Variants in IFT81 observed in about 807,000 individuals in gnomAD.
The protein encoded by IFT81 is intraflagellar transport 81.
A neutral mutation model predicts 102.6 loss-of-function variants in IFT81; 72 were observed. The observed-to-expected ratio is 0.70, with a 90% CI of 0.58 to 0.85. The LOEUF (loss-of-function observed/expected upper bound fraction) is 0.85. IFT81 is among the 40% of genes least tolerant of loss of function. IFT81 has a pLI of 0.00. For missense variants in IFT81, 723 were observed against 787.3 expected, an observed-to-expected ratio of 0.92 and a Z score of 0.98; for synonymous variants, 237 against 242.7, an observed-to-expected ratio of 0.98 and a Z score of 0.22.
intron 14 of IFT81, among the ~76,000 whole-genome samples, chr12:110,195,016 G>A (rs1052466251): frequency 2.0e-5 from 3 of 152,072 alleles, no homozygotes; most frequent in East Asian, 3.8e-4. Flanking sequence ...TGTTTCTGAT[G>A]TGTCTCTTGA....
intron 8 of IFT81, among the ~76,000 whole-genome samples, chr12:110,138,062 A>G (rs947477288): frequency 6.6e-6 from 1 of 152,224 alleles, no homozygotes; most frequent in Non-Finnish European, 1.5e-5. Context: ...AAACTGAAAG[A>G]GCAGTGGAAA....
intron 8 of IFT81, among the ~76,000 whole-genome samples, chr12:110,141,481 C>T (rs1275860606): frequency 6.6e-6 from 1 of 152,208 alleles, no homozygotes; most frequent in African/African-American, 2.4e-5. Context: ...CACGATGGAA[C>T]TAAAAATAGT....
chr12:110,188,740 T>C (rs953730108), intron 12 of IFT81, among the ~76,000 whole-genome samples: 3 of 148,738 alleles, frequency 2.0e-5, no homozygotes, highest in Admixed American at 6.7e-5. Context: ...CTGGCTAACA[T>C]AGTGAAACCC....
At position 110,128,127 on chromosome 12, in the gene IFT81, C is replaced by T. The variant is rs1893953804; in HGVS notation, c.226C>T (p.Pro76Ser). 1.2e-6 allele frequency: 2 copies of T among 1,610,642 alleles called. No individual in the cohort carries two copies. Among genetic ancestry groups the T allele is most frequent in the African/African-American group, 1.3e-5 (1 of 74,770 alleles). ...LSLLGILKYK[P>S]SGNATDMSTF... ...CCTTCTTGGTATTCTTAAGTACAAACCTTCAGGAAATGCCACAGATATGTA... is the reference window on the plus strand; with the variant it reads ...CCTTCTTGGTATTCTTAAGTACAAATCTTCAGGAAATGCCACAGATATGTA... The change falls in exon 3 of 19, where the codon CCT becomes TCT. Residue 76 changes from proline (P) to serine (S), a missense_variant. Physicochemically the swap from Pro to Ser is moderately conservative, Grantham distance 74 (BLOSUM62 -1). Transcript: ENST00000242591.
chr12:110,218,512 A>C lies in IFT81; in HGVS notation c.*286A>C, dbSNP rs1392767463. The C allele has an allele frequency of 1.3e-5, 3 of 227,318 alleles. No homozygotes were observed. Among genetic ancestry groups the C allele is most frequent in the Non-Finnish European group, 2.5e-5 (3 of 118,174 alleles). The allele number at this position is 227,318 out of a possible 1,614,324, so 14.1% of individuals were successfully genotyped here. ...TATCTGTAAATGTAAACATATGTCCATTAAGAAACATGTAGTTTTTTTTTA... is the reference window on the plus strand; with the variant it reads ...TATCTGTAAATGTAAACATATGTCCCTTAAGAAACATGTAGTTTTTTTTTA... On this transcript the variant is annotated 3_prime_UTR_variant, in exon 19 of 19. Coordinates refer to ENST00000242591, the MANE Select transcript of IFT81 (RefSeq NM_014055.4).
At position 110,202,923 on chromosome 12, in the gene IFT81, A is replaced by G. The variant is rs115873654; in HGVS notation, c.1558-941A>G. ...TAGAATGTTTTACGAAGTTCTTCTAATTAAGCCCCTGCCTAGGTCTTCAGC... is the reference window on the plus strand; with the variant it reads ...TAGAATGTTTTACGAAGTTCTTCTAGTTAAGCCCCTGCCTAGGTCTTCAGC... On this transcript the variant is annotated intron_variant, in intron 14 of 18. Transcript: ENST00000242591. 3.7e-4 allele frequency among the ~76,000 whole-genome samples: 57 copies of G among 152,242 alleles called. No individual in the cohort carries two copies. The South Asian group carries it at 0.012, about 31-fold the overall frequency.
chr12:110,215,254 T>A (rs1869928756), intron 18 of IFT81, among the ~76,000 whole-genome samples: 1 of 151,846 alleles, frequency 6.6e-6, no homozygotes, highest in Admixed American at 6.6e-5. Flanking sequence ...GCACTCTGCC[T>A]CTGTGTCTCT....
At chr12:110,195,448 A>C (rs1406967415) in intron 14 of IFT81, among the ~76,000 whole-genome samples, 1 of 151,952 alleles carries the variant, frequency 6.6e-6, no homozygotes, top group Non-Finnish European at 1.5e-5. Context: ...TTATAGTATG[A>C]CTTGTTAGCT....
Position 110,218,180 on chromosome 12 carries a change from T to C in IFT81, c.1985T>C (p.Ile662Thr), listed in dbSNP as rs1870386954. The change falls in exon 19 of 19, where the codon ATT (isoleucine) becomes ACT (threonine). Residue 662 changes from isoleucine to threonine, a missense_variant. Ile to Thr is a moderately conservative substitution (Grantham distance 89, BLOSUM62 -1). Coordinates refer to ENST00000242591, the MANE Select transcript of IFT81 (RefSeq NM_014055.4). ...CFLKQQSQTS[I>T]GQVIQEGGED... is the part of the protein sequence containing the mutation. The stretch of plus-strand genomic sequence containing the variant: ...CTGAAACAACAAAGCCAAACTTCCA[T>C]TGGTCAGGTAATTCAGGAGGGTGGG... 3.2e-6 allele frequency: 5 copies of C among 1,583,958 alleles called. No individual in the cohort carries two copies. The Admixed American group carries it at 5.8e-5, about 18-fold the overall frequency.
chr12:110,170,582 A>G (rs1408796943), intron 11 of IFT81, among the ~76,000 whole-genome samples: 1 of 152,214 alleles, frequency 6.6e-6, no homozygotes, highest in Non-Finnish European at 1.5e-5. Flanking sequence ...AATGATATGC[A>G]GTACTAGTAC....
At chr12:110,186,187 T>C (rs1305463698) in intron 12 of IFT81, among the ~76,000 whole-genome samples, 1 of 152,228 alleles carries the variant, frequency 6.6e-6, no homozygotes, top group Non-Finnish European at 1.5e-5. Flanking sequence ...AAAGATTTAA[T>C]TCCATTGTCT....
rs1029480479 is a variant in IFT81, at chr12:110,124,795, A to C, written c.-88A>C. On this transcript the variant is annotated 5_prime_UTR_variant, in exon 1 of 19. Coordinates refer to ENST00000242591, the MANE Select transcript of IFT81 (RefSeq NM_014055.4). ...ACCCAGGCAGCACGGTTTCTCTCCC[A>C]AATTGTGCCAGAGAACACGCACGTC... is the stretch of plus-strand genomic sequence containing the variant. 2 of 152,250 alleles carry C rather than the reference A, an allele frequency of 1.3e-5. No individual in the cohort carries two copies. The highest frequency in any genetic ancestry group is 4.8e-5 in the African/African-American group (2 of 41,464). The allele number at this position is 152,250 out of a possible 1,614,324, so 9.4% of individuals were successfully genotyped here.
At chr12:110,194,181 G>A (rs1435700912) in intron 14 of IFT81, among the ~76,000 whole-genome samples, 1 of 152,124 alleles carries the variant, frequency 6.6e-6, no homozygotes, top group Non-Finnish European at 1.5e-5. Context: ...CCTCCCACCA[G>A]GCCCCACCTC....
At chr12:110,155,190 G>A (rs1481056187) in intron 10 of IFT81, among the ~76,000 whole-genome samples, 2 of 152,030 alleles carry the variant, frequency 1.3e-5, no homozygotes, top group African/African-American at 4.8e-5. Flanking sequence ...TAGTCACTCT[G>A]TTGTCTTTTG....
intron 11 of IFT81, among the ~76,000 whole-genome samples, chr12:110,164,634 A>G (rs1225461300): frequency 6.6e-6 from 1 of 152,134 alleles, no homozygotes; most frequent in East Asian, 1.9e-4. Context: ...TCTCTGTGGT[A>G]CTTCAGGTTG....
intron 10 of IFT81, 147 bp from the exon 11 acceptor site, chr12:110,162,772 A>T (rs1227855314): frequency 1.3e-5 from 8 of 599,350 alleles, no homozygotes; most frequent in Non-Finnish European, 2.3e-5. Context: ...GGTGATGATG[A>T]GTAGTAGGGC....
intron 10 of IFT81, among the ~76,000 whole-genome samples, chr12:110,156,621 C>T (rs1448413009): frequency 1.4e-4 from 22 of 152,102 alleles, no homozygotes; most frequent in African/African-American, 4.6e-4. Flanking sequence ...CTCAGCCTCC[C>T]GAGTAGCTGG....
intron 4 of IFT81, among the ~76,000 whole-genome samples, chr12:110,130,179 T>G (rs1350789353): frequency 3.9e-5 from 6 of 152,156 alleles, no homozygotes; most frequent in Admixed American, 3.9e-4. Flanking sequence ...ATGCAAATAA[T>G]TATGTCAGAT....
chr12:110,183,591 T>G (rs1341104545), intron 12 of IFT81, among the ~76,000 whole-genome samples: 1 of 152,224 alleles, frequency 6.6e-6, no homozygotes. Flanking sequence ...GGCCAAATCA[T>G]CCTTTCCACT....
Sources: allele counts gnomAD v4.1 joint callset (sites outside exome capture counted in the v4.1 genomes callset), GRCh38; gene constraint gnomAD v4.1.1; transcripts MANE v1.5; gene names NCBI Gene and HGNC (gene_info 2026-07-23, HGNC 2026-07-21).